Variants in PXDNL observed in about 807,000 individuals in gnomAD.
The protein encoded by PXDNL is peroxidasin like, also known as probable oxidoreductase PXDNL.
A neutral mutation model predicts 150.8 loss-of-function variants in PXDNL; 145 were observed. The ratio of observed to expected loss-of-function variants is 0.96; its 90% CI spans 0.84 to 1.10. PXDNL has a LOEUF of 1.10. Ranked by LOEUF, PXDNL falls within the 50% of genes least tolerant of loss-of-function variation. PXDNL has a pLI of 0.00. For missense variants in PXDNL, 2,087 were observed against 1,873.9 expected (o/e 1.11, Z -2.10); for synonymous variants, 757 against 725.7 (o/e 1.04, Z -0.69).
At chr8:51,468,204 T>TTAGATATTG (rs1391698185) in intron 8 of PXDNL, among the ~76,000 whole-genome samples, 9 of 151,976 alleles carry the variant, frequency 5.9e-5, no homozygotes, top group Non-Finnish European at 1.3e-4. Context: ...TAATTTTTGT[T>TTAGATATTG]CCTAATCGTT....
chr8:51,715,121 A>G (rs1462674237), intron 1 of PXDNL, among the ~76,000 whole-genome samples: 1 of 152,218 alleles, frequency 6.6e-6, no homozygotes, highest in Non-Finnish European at 1.5e-5. Flanking sequence ...AGGGATTAAT[A>G]TCAAAGTATT....
At chr8:51,419,818 G>A (rs1808899758) in intron 14 of PXDNL, among the ~76,000 whole-genome samples, 1 of 152,124 alleles carries the variant, frequency 6.6e-6, no homozygotes. Flanking sequence ...TAGAAAAAAA[G>A]AGAGAAGTGG....
At chr8:51,433,806 A>G (rs1489224923) in intron 12 of PXDNL, among the ~76,000 whole-genome samples, 1 of 152,206 alleles carries the variant, frequency 6.6e-6, no homozygotes, top group Non-Finnish European at 1.5e-5. Flanking sequence ...TCTCAGATAT[A>G]TAAGAATATT....
At chr8:51,626,996 A>G (rs1180150443) in intron 2 of PXDNL, among the ~76,000 whole-genome samples, 1 of 152,218 alleles carries the variant, frequency 6.6e-6, no homozygotes, top group African/African-American at 2.4e-5. Context: ...TTCTCACAAT[A>G]GAGATTAAAA....
intron 21 of PXDNL, among the ~76,000 whole-genome samples, chr8:51,323,923 A>T (rs969875003): frequency 1.6e-5 from 2 of 126,914 alleles, no homozygotes; most frequent in South Asian, 2.3e-4. Flanking sequence ...TCTCAAAAAA[A>T]ATAAAATAAA....
chr8:51,476,464 G>C (rs1810478036), intron 6 of PXDNL, among the ~76,000 whole-genome samples: 1 of 152,180 alleles, frequency 6.6e-6, no homozygotes, highest in South Asian at 2.1e-4. Flanking sequence ...ACTGTAACAG[G>C]AAGGCGATGG....
chr8:51,368,964 C>G (rs1163699868), intron 19 of PXDNL, among the ~76,000 whole-genome samples: 6 of 151,844 alleles, frequency 4.0e-5, no homozygotes, highest in Non-Finnish European at 8.8e-5. Flanking sequence ...CCACTGCACT[C>G]CAGCCTAGGC....
chr8:51,681,087 A>G (rs1815740493), intron 1 of PXDNL, among the ~76,000 whole-genome samples: 1 of 152,142 alleles, frequency 6.6e-6, no homozygotes, highest in Admixed American at 6.5e-5. Flanking sequence ...TCGATTCAAT[A>G]CAGGACTGGT....
intron 19 of PXDNL, among the ~76,000 whole-genome samples, chr8:51,354,178 C>A (rs1806436718): frequency 6.6e-6 from 1 of 151,980 alleles, no homozygotes. Flanking sequence ...ATATTTGAAA[C>A]CAAATTTCAT....
At chr8:51,349,273 T>TTC (rs1806263283) in intron 19 of PXDNL, among the ~76,000 whole-genome samples, 1 of 152,064 alleles carries the variant, frequency 6.6e-6, no homozygotes, top group South Asian at 2.1e-4. Context: ...GTGACCTAGA[T>TTC]TCTTAGTGGG....
At chr8:51,749,350 T>C (rs1005492364) in intron 1 of PXDNL, among the ~76,000 whole-genome samples, 2 of 152,188 alleles carry the variant, frequency 1.3e-5, no homozygotes, top group African/African-American at 4.8e-5. Flanking sequence ...AGAGTGTCCT[T>C]ACACAAAGCT....
intron 12 of PXDNL, among the ~76,000 whole-genome samples, chr8:51,439,824 C>CA (rs36102488): frequency 0.76 from 77,335 of 101,346 alleles, 29,378 homozygotes; most frequent in Non-Finnish European, 0.83. Context: ...GACTCCATCT[C>CA]AAAAAAAAAA....
chr8:51,386,237 C>G (rs1212673889), intron 17 of PXDNL, among the ~76,000 whole-genome samples: 1 of 151,988 alleles, frequency 6.6e-6, no homozygotes, highest in African/African-American at 2.4e-5. Context: ...GGACTACAGG[C>G]ACGTGCCACC....
Position 51,582,718 on chromosome 8 carries a change from G to A in PXDNL, c.308+9909C>T, listed in dbSNP as rs1813235094. On this transcript the variant is annotated intron_variant, in intron 3 of 22. Transcript: ENST00000356297. ...TTCATCAATTATGATAAAATTATATGCTTTAAATTCCTCAAAAGTAAGACA... is the reference window on the plus strand; with the variant it reads ...TTCATCAATTATGATAAAATTATATACTTTAAATTCCTCAAAAGTAAGACA... Among the ~76,000 whole-genome samples the A allele has an allele frequency of 3.9e-5, 6 of 152,072 alleles. No individual in the cohort carries two copies. In the East Asian group the frequency reaches 1.2e-3, roughly 29 times the overall value.
chr8:51,372,352 G>A (rs1807148998), intron 18 of PXDNL, among the ~76,000 whole-genome samples: 2 of 152,164 alleles, frequency 1.3e-5, no homozygotes, highest in Admixed American at 1.3e-4. Flanking sequence ...AAAAAGAAAA[G>A]TCCATTATTA....
At chr8:51,538,426 A>G (rs1812135003) in intron 4 of PXDNL, among the ~76,000 whole-genome samples, 1 of 152,224 alleles carries the variant, frequency 6.6e-6, no homozygotes, top group African/African-American at 2.4e-5. Flanking sequence ...ATGATTAGAA[A>G]TAGACAATCT....
At chr8:51,444,068 C>T (rs1204020955) in intron 12 of PXDNL, among the ~76,000 whole-genome samples, 2 of 152,134 alleles carry the variant, frequency 1.3e-5, no homozygotes, top group East Asian at 1.9e-4. Context: ...TGAAAGTATA[C>T]GTATGTAAAG....
At chr8:51,746,225 CT>C (rs1422108164) in intron 1 of PXDNL, among the ~76,000 whole-genome samples, 1 of 152,198 alleles carries the variant, frequency 6.6e-6, no homozygotes, top group African/African-American at 2.4e-5. Flanking sequence ...CAAAATGCAC[CT>C]GCAATTAAAG....
At chr8:51,644,037 T>C (rs80240005) in intron 2 of PXDNL, among the ~76,000 whole-genome samples, 16,890 of 151,420 alleles carry the variant, frequency 0.11, 1,529 homozygotes, top group African/African-American at 0.23. Flanking sequence ...TTCCAGCTAC[T>C]GGGGAGGCTG....
Sources: allele counts gnomAD v4.1 joint callset (sites outside exome capture counted in the v4.1 genomes callset), GRCh38; gene constraint gnomAD v4.1.1; transcripts MANE v1.5; gene names NCBI Gene and HGNC (gene_info 2026-07-23, HGNC 2026-07-21).